The following ANK3 variants were observed in gnomAD, a reference collection of about 807,000 sequenced individuals.
ANK3 encodes the protein ankyrin 3.
Under a neutral mutation model 370.9 loss-of-function variants are expected in ANK3, and 57 were observed. That is an observed-to-expected ratio of 0.15 (90% CI 0.12 to 0.19). The LOEUF is 0.19. ANK3 is among the 10% of genes least tolerant of loss of function. The pLI is 1.00. For synonymous variants in ANK3, 1,929 were observed against 1,946.3 expected, an observed-to-expected ratio of 0.99 and a Z score of 0.23; for missense variants, 4,439 against 5,302.1, an observed-to-expected ratio of 0.84 and a Z score of 5.06.
intron 1 of ANK3, among the ~76,000 whole-genome samples, chr10:60,618,241 T>C (rs879630905): frequency 2.0e-5 from 3 of 152,176 alleles, no homozygotes; most frequent in Non-Finnish European, 4.4e-5. Flanking sequence ...AACCCAGTTA[T>C]ATGCTTTGTC....
intron 1 of ANK3, among the ~76,000 whole-genome samples, chr10:60,383,682 G>T (rs2061855579): frequency 6.6e-6 from 1 of 152,016 alleles, no homozygotes; most frequent in Non-Finnish European, 1.5e-5. Context: ...GCTCCCTGGA[G>T]ACCTGGAGTC....
intron 2 of ANK3, among the ~76,000 whole-genome samples, chr10:60,488,079 T>C (rs1458143992): frequency 2.0e-5 from 3 of 152,148 alleles, no homozygotes; most frequent in Admixed American, 6.5e-5. Flanking sequence ...GTGCTTTTTC[T>C]ACTATACCAA....
intron 1 of ANK3, among the ~76,000 whole-genome samples, chr10:60,366,247 A>C (rs1400191256): frequency 6.6e-6 from 1 of 152,106 alleles, no homozygotes; most frequent in Non-Finnish European, 1.5e-5. Context: ...GCAAGAGGAT[A>C]GCTTGAACCC....
chr10:60,525,499 G>T (rs1729510519), intron 2 of ANK3, among the ~76,000 whole-genome samples: 1 of 152,048 alleles, frequency 6.6e-6, no homozygotes, highest in African/African-American at 2.4e-5. Context: ...AACTCATTAG[G>T]TGTCTTAGAA....
chr10:60,280,549 A>C (rs973560874), intron 1 of ANK3, among the ~76,000 whole-genome samples: 2 of 152,202 alleles, frequency 1.3e-5, no homozygotes, highest in African/African-American at 4.8e-5. Flanking sequence ...TAACATCTAT[A>C]ATTTCATAGT....
At position 60,565,157 on chromosome 10, in the gene ANK3, T is replaced by G. The variant is rs530097414; in HGVS notation, c.96+50029A>C. On this transcript the variant is annotated intron_variant, in intron 2 of 43. Coordinates refer to the ANK3 transcript ENST00000373827. Reference sequence around the variant, plus strand: ...ATAGTTGGGATGTTTTCCTGTGAAGTAGTGGGCTCCAATGGCATCAGAGAC... The same window carrying G: ...ATAGTTGGGATGTTTTCCTGTGAAGGAGTGGGCTCCAATGGCATCAGAGAC... Among the ~76,000 whole-genome samples the G allele has an allele frequency of 2.0e-4, 30 of 152,080 alleles. 1 individual carries two copies. The South Asian group carries it at 6.2e-3, about 32-fold the overall frequency.
At chr10:60,548,159 C>T (rs561738596) in intron 2 of ANK3, among the ~76,000 whole-genome samples, 1 of 150,086 alleles carries the variant, frequency 6.7e-6, no homozygotes, top group Non-Finnish European at 1.5e-5. Context: ...ATCAAAATAC[C>T]TGTCTTATAT....
intron 1 of ANK3, among the ~76,000 whole-genome samples, chr10:60,631,153 G>A (rs1415805628): frequency 1.3e-5 from 2 of 152,162 alleles, no homozygotes; most frequent in Non-Finnish European, 2.9e-5. Context: ...GAGGTGGACT[G>A]TGCCAGGTAA....
At chr10:60,082,078 T>A (rs1469423887) in intron 35 of ANK3, 72 bp downstream of exon 35, 3 of 1,263,860 alleles carry the variant, frequency 2.4e-6, no homozygotes, top group Non-Finnish European at 3.4e-6. Context: ...TTTAGCCCTC[T>A]GCAACTTCTG....
chr10:60,262,612 A>G (rs892673018), intron 6 of ANK3, among the ~76,000 whole-genome samples: 11 of 152,220 alleles, frequency 7.2e-5, no homozygotes, highest in South Asian at 2.1e-4. Flanking sequence ...GAAACCTTAT[A>G]GGAACTAGAT....
intron 9 of ANK3, 94 bp downstream of exon 9, chr10:60,213,318 T>A: frequency 2.4e-6 from 2 of 844,788 alleles, no homozygotes; most frequent in Non-Finnish European, 3.8e-6. Context: ...ACTGCTACAT[T>A]GAAAATGTCA....
intron 1 of ANK3, among the ~76,000 whole-genome samples, chr10:60,338,605 G>A (rs1056323425): frequency 9.9e-5 from 15 of 152,146 alleles, no homozygotes; most frequent in African/African-American, 3.4e-4. Context: ...TGTGTATGAC[G>A]TTGTGTCCCC....
At chr10:60,528,454 A>G (rs879511217) in intron 2 of ANK3, among the ~76,000 whole-genome samples, 12 of 152,212 alleles carry the variant, frequency 7.9e-5, no homozygotes, top group Admixed American at 7.9e-4. Flanking sequence ...GAATTTTAAA[A>G]TGTAAATAAT....
intron 21 of ANK3, 91 bp downstream of exon 21, chr10:60,172,217 G>T: frequency 1.0e-6 from 1 of 995,052 alleles, no homozygotes; most frequent in Non-Finnish European, 1.6e-6. Flanking sequence ...CTTAGTTTAT[G>T]AATGGGAAAA....
intron 1 of ANK3, among the ~76,000 whole-genome samples, chr10:60,634,002 C>T (rs1434608980): frequency 6.6e-6 from 1 of 152,126 alleles, no homozygotes; most frequent in Non-Finnish European, 1.5e-5. Flanking sequence ...GTGTAAACTC[C>T]AATACTTTGA....
In ANK3 at chr10:60,724,085, C is replaced by G. The variant is rs2079904028; in HGVS notation, c.57+9178G>C. On this transcript the variant is annotated intron_variant, in intron 1 of 43. Transcript: ENST00000373827. Reference sequence around the variant, plus strand: ...ATTAGCCAGGTGTGGTGGCGGGCGCCTGTAGTCCCAGCTACTCGGGAGGCT... The same window carrying G: ...ATTAGCCAGGTGTGGTGGCGGGCGCGTGTAGTCCCAGCTACTCGGGAGGCT... Among the ~76,000 whole-genome samples, 2 of 129,398 alleles carry G rather than the reference C, an allele frequency of 1.5e-5. 1 individual carries two copies. Among genetic ancestry groups the G allele is most frequent in the Non-Finnish European group, 3.4e-5 (2 of 59,306 alleles). 84.9% of individuals were successfully genotyped at this position (129,398 alleles called of 152,430 possible).
At chr10:60,208,339 G>T in intron 9 of ANK3, 106 bp from the exon 10 acceptor site, 2 of 942,500 alleles carry the variant, frequency 2.1e-6, no homozygotes, top group Admixed American at 2.4e-5. Context: ...TTCTTCACAT[G>T]AAAATACCTT....
intron 2 of ANK3, among the ~76,000 whole-genome samples, chr10:60,504,399 T>C (rs758450815): frequency 7.9e-5 from 12 of 152,174 alleles, no homozygotes; most frequent in Non-Finnish European, 1.8e-4. Flanking sequence ...TTGTCTCTGG[T>C]ATTTTTCATG....
chr10:60,213,957 A>G (rs560371248), intron 8 of ANK3, among the ~76,000 whole-genome samples: 1 of 152,244 alleles, frequency 6.6e-6, no homozygotes, highest in South Asian at 2.1e-4. Flanking sequence ...TGATTACTAC[A>G]TATTTCTCTG....
Sources: gnomAD v4.1 joint callset for allele counts (sites outside exome capture counted in the v4.1 genomes callset) on GRCh38, gnomAD v4.1.1 for gene constraint, MANE v1.5 for transcripts, NCBI Gene and HGNC (gene_info 2026-07-23, HGNC 2026-07-21) for gene names.